The following COL22A1 variants were observed in gnomAD, a reference collection of about 807,000 sequenced individuals.
COL22A1 encodes collagen type XXII alpha 1 chain, also known as collagen alpha-1(XXII) chain.
In COL22A1, 221 loss-of-function variants were observed where a neutral mutation model predicts 248.9. That is an observed-to-expected ratio of 0.89 (90% CI 0.80 to 0.99). COL22A1 has a LOEUF of 0.99. COL22A1 is among the 50% of genes least tolerant of loss of function. The pLI, the probability that COL22A1 is intolerant of heterozygous loss-of-function variation, is 0.00. For synonymous variants in COL22A1, 891 were observed against 793.4 expected (o/e 1.12, Z -2.07); for missense variants, 2,240 against 2,179.0 (o/e 1.03, Z -0.56).
intron 3 of COL22A1, among the ~76,000 whole-genome samples, chr8:138,857,600 G>A (rs938479423): frequency 5.3e-5 from 8 of 152,286 alleles, no homozygotes; most frequent in Non-Finnish European, 1.0e-4. Context: ...ACCCCATCCC[G>A]AAAATCTTAG....
At chr8:138,900,420 G>A (rs1295257558) in intron 1 of COL22A1, among the ~76,000 whole-genome samples, 1 of 152,246 alleles carries the variant, frequency 6.6e-6, no homozygotes, top group Non-Finnish European at 1.5e-5. Context: ...GGATTCAGAT[G>A]ACTGGAGGAG....
chr8:138,825,251 T>C (rs184061993), intron 6 of COL22A1, among the ~76,000 whole-genome samples: 8 of 152,284 alleles, frequency 5.3e-5, no homozygotes, highest in East Asian at 1.9e-4. Context: ...CTCTCAGCAG[T>C]TAGTTTGAAA....
chr8:138,593,368 A>T (rs1564072265), intron 63 of COL22A1, among the ~76,000 whole-genome samples: 1 of 152,160 alleles, frequency 6.6e-6, no homozygotes, highest in Non-Finnish European at 1.5e-5. Context: ...CATGTATCCC[A>T]GAACTTGAAG....
intron 22 of COL22A1, among the ~76,000 whole-genome samples, chr8:138,741,364 G>A (rs893066195): frequency 2.0e-5 from 3 of 152,198 alleles, no homozygotes. Flanking sequence ...AGAATCAAAG[G>A]AATTCTCTGT....
At chr8:138,805,064 GGTGT>G (rs144328245) in intron 10 of COL22A1, among the ~76,000 whole-genome samples, 4 of 132,952 alleles carry the variant, frequency 3.0e-5, no homozygotes, top group African/African-American at 9.3e-5. Flanking sequence ...GGTGTGTGAT[GGTGT>G]GTGTGTGTGT....
At chr8:138,787,834 G>C (rs1815674684) in intron 12 of COL22A1, among the ~76,000 whole-genome samples, 1 of 152,080 alleles carries the variant, frequency 6.6e-6, no homozygotes. Flanking sequence ...TGGGGAGGGG[G>C]GCAACCATCT....
intron 1 of COL22A1, among the ~76,000 whole-genome samples, chr8:138,902,425 C>T (rs1404077357): frequency 1.3e-5 from 2 of 152,086 alleles, no homozygotes; most frequent in African/African-American, 4.8e-5. Flanking sequence ...GGCTGGGCCG[C>T]GATGGCTCAT....
chr8:138,687,434 A>G (rs959001162), intron 37 of COL22A1, among the ~76,000 whole-genome samples: 1 of 152,238 alleles, frequency 6.6e-6, no homozygotes, highest in South Asian at 2.1e-4. Context: ...ATGCAAAAAC[A>G]TAAGAACTGA....
chr8:138,722,890 G>C (rs1281832965), intron 25 of COL22A1, among the ~76,000 whole-genome samples: 1 of 137,058 alleles, frequency 7.3e-6, no homozygotes, highest in Non-Finnish European at 1.6e-5. Flanking sequence ...GGGCCTGTTG[G>C]GGTGTGGAGG....
Position 138,589,328 on chromosome 8 carries a change from TG to T in COL22A1, c.4805del (p.Pro1602GlnfsTer22), listed in dbSNP as rs1564067417. The T allele has an allele frequency of 6.2e-7, 1 of 1,613,152 alleles. No homozygotes were observed. The highest frequency in any genetic ancestry group is 1.7e-5 in the Admixed American group (1 of 59,904). On this transcript the variant is annotated frameshift_variant, in exon 65 of 65. Transcript: ENST00000303045. LOFTEE classifies it high-confidence loss of function. ...HPGLPGPPGPPGQCDPSQCAY... is the reference protein window; with the variant it reads ...HPGLPGPPGPXGQCDPSQCAY... ...CACACTGGGAAGGGTCACATTGGCC[TG>T]GGGGACCGGGAGGTCCTGGGAGGCC... is the stretch of plus-strand genomic sequence containing the variant.
At chr8:138,819,220 T>C (rs1466695873) in intron 7 of COL22A1, among the ~76,000 whole-genome samples, 2 of 152,236 alleles carry the variant, frequency 1.3e-5, no homozygotes. Flanking sequence ...TTTCCCAACT[T>C]ACTCATTTTT....
chr8:138,823,851 A>C (rs1273986617), intron 6 of COL22A1, among the ~76,000 whole-genome samples: 2 of 152,244 alleles, frequency 1.3e-5, no homozygotes, highest in African/African-American at 2.4e-5. Context: ...CTAGGAAAAC[A>C]CATGGTACAC....
In COL22A1 at chr8:138,883,237, A is replaced by C. The variant is rs1824380358; in HGVS notation, c.-65T>G. On this transcript the variant is annotated 5_prime_UTR_variant, in exon 2 of 65. Transcript: ENST00000303045. The stretch of plus-strand genomic sequence containing the variant: ...AAGAGACGCTGTTAGGGTCTACAGC[A>C]GCATGGCCTGTGTGGAGAAAGACAC... The C allele has an allele frequency of 6.9e-7, 1 of 1,455,548 alleles. No individual in the cohort carries two copies. The highest frequency in any genetic ancestry group is 9.4e-7 in the Non-Finnish European group (1 of 1,066,118). 90.2% of individuals were successfully genotyped at this position (1,455,548 alleles called of 1,614,324 possible). A position where few individuals can be genotyped will look rare whatever the true frequency, so the allele number is the denominator to read the frequency against.
chr8:138,855,660 G>C (rs190683961), intron 3 of COL22A1, among the ~76,000 whole-genome samples: 2 of 152,200 alleles, frequency 1.3e-5, no homozygotes, highest in Non-Finnish European at 2.9e-5. Context: ...CACCTTCTGA[G>C]GAGGCCATGC....
chr8:138,669,243 C>T (rs907250447), intron 41 of COL22A1, among the ~76,000 whole-genome samples: 3 of 152,126 alleles, frequency 2.0e-5, no homozygotes, highest in Non-Finnish European at 4.4e-5. Context: ...GGAAAACGCA[C>T]GAGTGATGCA....
intron 3 of COL22A1, among the ~76,000 whole-genome samples, chr8:138,864,198 G>T (rs1214663285): frequency 6.6e-6 from 1 of 152,026 alleles, no homozygotes; most frequent in Non-Finnish European, 1.5e-5. Flanking sequence ...TCTGAACCTG[G>T]CCCATTCTCC....
intron 11 of COL22A1, among the ~76,000 whole-genome samples, chr8:138,802,609 T>G (rs1817092623): frequency 6.6e-6 from 1 of 152,032 alleles, no homozygotes; most frequent in Non-Finnish European, 1.5e-5. Context: ...ATTAGAGGGT[T>G]AGTAACTGTG....
chr8:138,743,198 A>G (rs1285311235), intron 22 of COL22A1, among the ~76,000 whole-genome samples: 7 of 118,554 alleles, frequency 5.9e-5, no homozygotes, highest in South Asian at 6.0e-4. Context: ...GATGGTGATG[A>G]TGATGGTAGA....
chr8:138,770,104 G>A (rs1373410647), intron 16 of COL22A1, among the ~76,000 whole-genome samples: 1 of 152,170 alleles, frequency 6.6e-6, no homozygotes, highest in East Asian at 1.9e-4. Context: ...AGGCCAACCA[G>A]GGTGACAGCC....
Sources: gnomAD v4.1 joint callset for allele counts (sites outside exome capture counted in the v4.1 genomes callset) on GRCh38, gnomAD v4.1.1 for gene constraint, MANE v1.5 for transcripts, NCBI Gene and HGNC (gene_info 2026-07-23, HGNC 2026-07-21) for gene names.